SYT6: variants seen among roughly 807,000 people sequenced by gnomAD.
SYT6 encodes synaptotagmin 6.
Under a neutral mutation model 38.4 loss-of-function variants are expected in SYT6, and 24 were observed. The observed-to-expected ratio is 0.62, with a 90% confidence interval of 0.45 to 0.88. SYT6 has a LOEUF of 0.88. Ranked by LOEUF, SYT6 falls within the 40% of genes least tolerant of loss-of-function variation. SYT6 has a pLI of 0.00. For synonymous variants in SYT6, 265 were observed against 241.9 expected (o/e 1.10, Z -0.89); for missense variants, 611 against 621.0 (o/e 0.98, Z 0.17).
At chr1:114,096,428 A>T (rs1675645412) in intron 6 of SYT6, among the ~76,000 whole-genome samples, 2 of 152,168 alleles carry the variant, frequency 1.3e-5, no homozygotes, top group Admixed American at 6.5e-5. Context: ...TGCTGCCCCA[A>T]AGGTCACAGG....
At chr1:114,107,616 T>C (rs1186565241) in intron 3 of SYT6, among the ~76,000 whole-genome samples, 1 of 152,204 alleles carries the variant, frequency 6.6e-6, no homozygotes. Context: ...AGCGGAGGAC[T>C]GGATTATTTA....
At chr1:114,137,328 G>T (rs1046447086) in intron 3 of SYT6, among the ~76,000 whole-genome samples, 167 bp downstream of exon 3, 3 of 152,178 alleles carry the variant, frequency 2.0e-5, no homozygotes, top group Non-Finnish European at 4.4e-5. Flanking sequence ...CCCAACCTGG[G>T]GCAGAGTGCA....
chr1:114,120,282 T>G (rs1677310880), intron 3 of SYT6, among the ~76,000 whole-genome samples: 1 of 152,188 alleles, frequency 6.6e-6, no homozygotes, highest in Non-Finnish European at 1.5e-5. Flanking sequence ...TCCTCTTGTC[T>G]TAGAACCAGG....
At chr1:114,137,399 G>T in intron 3 of SYT6, 96 bp downstream of exon 3, 2 of 1,392,256 alleles carry the variant, frequency 1.4e-6, no homozygotes, top group Non-Finnish European at 9.8e-7. Context: ...AATGGCAAAG[G>T]CCCATTTGTC....
At chr1:114,126,487 G>A (rs1338162884) in intron 3 of SYT6, among the ~76,000 whole-genome samples, 3 of 152,164 alleles carry the variant, frequency 2.0e-5, no homozygotes, top group Admixed American at 6.5e-5. Flanking sequence ...GCCCAGAGGG[G>A]ATGTTTGGCT....
intron 5 of SYT6, 140 bp downstream of exon 5, chr1:114,098,954 C>T: frequency 3.7e-6 from 3 of 803,336 alleles, no homozygotes; most frequent in Non-Finnish European, 5.6e-6. Flanking sequence ...ACTCCTGCAC[C>T]CTTCTTGGGT....
intron 3 of SYT6, among the ~76,000 whole-genome samples, chr1:114,127,367 C>T (rs1484249018): frequency 6.6e-6 from 1 of 152,268 alleles, no homozygotes; most frequent in Non-Finnish European, 1.5e-5. Context: ...GTGGAACCCA[C>T]ACCTCTCCTC....
At chr1:114,148,893 C>T (rs1679292255) in intron 1 of SYT6, among the ~76,000 whole-genome samples, 3 of 152,162 alleles carry the variant, frequency 2.0e-5, no homozygotes, top group Non-Finnish European at 4.4e-5. Flanking sequence ...ATGCCCAAAT[C>T]TGGGCTCTTG....
intron 3 of SYT6, among the ~76,000 whole-genome samples, chr1:114,120,579 C>T (rs191514870): frequency 3.9e-5 from 6 of 152,318 alleles, no homozygotes; most frequent in Admixed American, 2.6e-4. Flanking sequence ...CACAAAGTGA[C>T]AAGCAAAATA....
chr1:114,107,057 TG>T (rs1287332411), intron 3 of SYT6, among the ~76,000 whole-genome samples: 1 of 152,226 alleles, frequency 6.6e-6, no homozygotes, highest in Non-Finnish European at 1.5e-5. Context: ...GAAGCTCCTG[TG>T]GCCCCTCTGA....
At chr1:114,109,801 C>T (rs1160378517) in intron 3 of SYT6, among the ~76,000 whole-genome samples, 1 of 152,120 alleles carries the variant, frequency 6.6e-6, no homozygotes, top group Non-Finnish European at 1.5e-5. Flanking sequence ...GAATTCAGCC[C>T]CAGATTTCAA....
chr1:114,142,265 C>T (rs543052621), intron 1 of SYT6, among the ~76,000 whole-genome samples: 1 of 152,254 alleles, frequency 6.6e-6, no homozygotes, highest in African/African-American at 2.4e-5. Context: ...TCAACATTAA[C>T]TGAAATTTAA....
intron 3 of SYT6, among the ~76,000 whole-genome samples, chr1:114,116,845 G>A (rs1677027806): frequency 6.6e-6 from 1 of 152,114 alleles, no homozygotes; most frequent in Admixed American, 6.5e-5. Context: ...TTCCCTCCTA[G>A]TTCCCACCTA....
At chr1:114,144,722 G>T (rs1004719095) in intron 1 of SYT6, among the ~76,000 whole-genome samples, 2 of 152,070 alleles carry the variant, frequency 1.3e-5, no homozygotes, top group Non-Finnish European at 1.5e-5. Context: ...CCCCTGCTAA[G>T]GGGATCCAGG....
chr1:114,150,811 T>C (rs1214621671), intron 1 of SYT6, among the ~76,000 whole-genome samples: 1 of 152,164 alleles, frequency 6.6e-6, no homozygotes, highest in Non-Finnish European at 1.5e-5. Context: ...GCTTTTAGTT[T>C]GGACAGTTTG....
At chr1:114,118,421 C>T (rs966595301) in intron 3 of SYT6, among the ~76,000 whole-genome samples, 1 of 152,208 alleles carries the variant, frequency 6.6e-6, no homozygotes, top group African/African-American at 2.4e-5. Context: ...AGGGAGAAGC[C>T]GAGGCACTGG....
chr1:114,143,574 G>GTGTATA (rs572184359), intron 1 of SYT6, among the ~76,000 whole-genome samples: 19 of 150,078 alleles, frequency 1.3e-4, no homozygotes, highest in Non-Finnish European at 2.1e-4. Flanking sequence ...GTGTGTGTGT[G>GTGTATA]TATATATATA....
At chr1:114,108,500 G>A (rs1676465409) in intron 3 of SYT6, among the ~76,000 whole-genome samples, 1 of 152,068 alleles carries the variant, frequency 6.6e-6, no homozygotes, top group African/African-American at 2.4e-5. Flanking sequence ...TCTGGTCCTT[G>A]GGCTATAAAA....
At position 114,137,890 on chromosome 1, in the gene SYT6, C is replaced by T; in HGVS notation, c.676G>A (p.Ala226Thr). 1 of 1,614,062 alleles carries T rather than the reference C, an allele frequency of 6.2e-7. No individual in the cohort carries two copies. The highest frequency in any genetic ancestry group is 1.3e-5 in the African/African-American group (1 of 75,016). ...SVDGEDAKSE[A>T]TKSCGKINFS... The stretch of plus-strand genomic sequence containing the variant: ...TTGATCTTCCCGCAGCTCTTGGTGG[C>T]CTCAGACTTGGCATCCTCCCCATCC... Residue 226 changes from alanine (A) to threonine (T), a missense_variant, in exon 3 of 8, where the codon GCC becomes ACC. Ala to Thr is a moderately conservative substitution (Grantham distance 58). Coordinates refer to ENST00000610222, the MANE Select transcript of SYT6 (RefSeq NM_001253772.2).
Sources: allele counts gnomAD v4.1 joint callset (sites outside exome capture counted in the v4.1 genomes callset), GRCh38; gene constraint gnomAD v4.1.1; transcripts MANE v1.5; gene names NCBI Gene and HGNC (gene_info 2026-07-23, HGNC 2026-07-21).